GSR: variants seen among roughly 807,000 people sequenced by gnomAD.
The protein encoded by GSR is glutathione-disulfide reductase, also known as glutathione reductase, mitochondrial.
In GSR, 48 loss-of-function variants were observed where a neutral mutation model predicts 56.5. The ratio of observed to expected loss-of-function variants is 0.85; its 90% confidence interval spans 0.67 to 1.08. GSR has a LOEUF of 1.08. Among genes scored for constraint, GSR ranks in the 50% least tolerant of loss-of-function variants. The pLI is 0.00. For synonymous variants in GSR, 264 were observed against 270.8 expected, an observed-to-expected ratio of 0.97 and a Z score of 0.25; for missense variants, 694 against 703.3, an observed-to-expected ratio of 0.99 and a Z score of 0.15.
intron 1 of GSR, among the ~76,000 whole-genome samples, chr8:30,714,665 A>G (rs1448882108): frequency 1.3e-5 from 2 of 151,920 alleles, no homozygotes; most frequent in South Asian, 4.1e-4. Context: ...TGGCCTGTAT[A>G]TGCTTTTTAT....
intron 7 of GSR, among the ~76,000 whole-genome samples, chr8:30,695,007 G>A (rs1433154296): frequency 6.6e-6 from 1 of 151,610 alleles, no homozygotes; most frequent in Non-Finnish European, 1.5e-5. Context: ...AGGCTGCAGT[G>A]AGCTATGATC....
At chr8:30,724,742 G>A (rs1464142765) in intron 1 of GSR, among the ~76,000 whole-genome samples, 2 of 151,952 alleles carry the variant, frequency 1.3e-5, no homozygotes, top group African/African-American at 4.8e-5. Context: ...CACCGTGTTG[G>A]CCAGGCTGGT....
At chr8:30,703,937 G>C (rs529374573) in intron 4 of GSR, among the ~76,000 whole-genome samples, 6 of 152,234 alleles carry the variant, frequency 3.9e-5, no homozygotes, top group South Asian at 2.1e-4. Context: ...AGACAAAAAA[G>C]TATATGCAAG....
At chr8:30,714,487 C>T (rs1031114511) in intron 1 of GSR, among the ~76,000 whole-genome samples, 1 of 150,990 alleles carries the variant, frequency 6.6e-6, no homozygotes, top group Non-Finnish European at 1.5e-5. Flanking sequence ...AGGCGTGAGC[C>T]ATCACGCCTG....
chr8:30,722,212 A>G (rs991884265), intron 1 of GSR, among the ~76,000 whole-genome samples: 19 of 152,198 alleles, frequency 1.2e-4, no homozygotes, highest in African/African-American at 4.6e-4. Flanking sequence ...TTAAAAGCCA[A>G]ATTTCAACAA....
At chr8:30,711,421 A>T (rs1344566545) in intron 2 of GSR, among the ~76,000 whole-genome samples, 1 of 152,210 alleles carries the variant, frequency 6.6e-6, no homozygotes, top group Non-Finnish European at 1.5e-5. Context: ...ACAACGAAAA[A>T]ATCACTAATG....
At position 30,716,877 on chromosome 8, in the gene GSR, C is replaced by T. The variant is rs563330406; in HGVS notation, c.307-4789G>A. ...GGGGTGAAAAGCTGGCATGCTCTCGCTCACCCATCCCCTCTGCTGCTCCCT... is the reference window on the plus strand; with the variant it reads ...GGGGTGAAAAGCTGGCATGCTCTCGTTCACCCATCCCCTCTGCTGCTCCCT... On this transcript the variant is annotated intron_variant, in intron 1 of 12. Coordinates refer to ENST00000221130, the MANE Select transcript of GSR (RefSeq NM_000637.5). 6.6e-5 allele frequency among the ~76,000 whole-genome samples: 10 copies of T among 152,234 alleles called. No homozygotes were observed. The South Asian group carries it at 1.9e-3, about 28-fold the overall frequency.
chr8:30,692,721 C>T (rs1025734156), intron 8 of GSR, among the ~76,000 whole-genome samples: 17 of 151,712 alleles, frequency 1.1e-4, no homozygotes, highest in Admixed American at 1.3e-4. Context: ...AGGCTGTTCT[C>T]GAAGTCCTGA....
chr8:30,718,925 T>G (rs11774927), intron 1 of GSR, among the ~76,000 whole-genome samples: 4 of 85,160 alleles, frequency 4.7e-5, no homozygotes, highest in South Asian at 3.9e-4. Flanking sequence ...GTTTTGTTTT[T>G]TTTTTTTGCT....
At chr8:30,713,252 G>A (rs1372882607) in intron 1 of GSR, among the ~76,000 whole-genome samples, 1 of 152,124 alleles carries the variant, frequency 6.6e-6, no homozygotes, top group African/African-American at 2.4e-5. Context: ...GGCCATGCTG[G>A]TCTCGAACTA....
intron 1 of GSR, among the ~76,000 whole-genome samples, chr8:30,717,188 G>C (rs1804362618): frequency 6.6e-6 from 1 of 152,108 alleles, no homozygotes; most frequent in Non-Finnish European, 1.5e-5. Context: ...CGTGAGCGGA[G>C]ATCGTGCCAT....
At position 30,679,207 on chromosome 8, in the gene GSR, G is replaced by T; in HGVS notation, c.*313C>A. 2.7e-5 allele frequency: 8 copies of T among 294,438 alleles called. No homozygotes were observed. Among genetic ancestry groups the T allele is most frequent in the East Asian group, 8.4e-5 (1 of 11,928 alleles). 18.2% of individuals were successfully genotyped at this position (294,438 alleles called of 1,614,324 possible). A position where few individuals can be genotyped will look rare whatever the true frequency, so the allele number is the denominator to read the frequency against. ...TTCATTCAAGTACATTAAGTTAATT[G>T]TACTTCACAAAGCTTTATATTTGGG... is the stretch of plus-strand genomic sequence containing the variant. On this transcript the variant is annotated 3_prime_UTR_variant, in exon 13 of 13. Transcript: ENST00000221130.
At position 30,679,149 on chromosome 8, in the gene GSR, CAAAAA is replaced by C. The variant is rs35555269; in HGVS notation, c.*366_*370del. On this transcript the variant is annotated 3_prime_UTR_variant, in exon 13 of 13. Transcript: ENST00000221130. Reference sequence around the variant, plus strand: ...GGGCAATGAGAGCAAAACTCTGTCTCAAAAAAAAAAAAAAAAAAAGTAGCAAGTTC... The same window carrying C: ...GGGCAATGAGAGCAAAACTCTGTCTCAAAAAAAAAAAAAAGTAGCAAGTTC... 52 of 108,838 alleles carry C rather than the reference CAAAAA, an allele frequency of 4.8e-4. No homozygotes were observed. Among genetic ancestry groups the C allele is most frequent in the South Asian group, 8.9e-4 (7 of 7,860 alleles). The allele number at this position is 108,838 out of a possible 1,614,324, so 6.7% of individuals were successfully genotyped here.
At chr8:30,688,880 A>G (rs1272416660) in intron 9 of GSR, among the ~76,000 whole-genome samples, 1 of 151,654 alleles carries the variant, frequency 6.6e-6, no homozygotes, top group Non-Finnish European at 1.5e-5. Context: ...CTATGATCAC[A>G]CCACTGAACT....
chr8:30,698,080 A>G (rs139344997), intron 6 of GSR, among the ~76,000 whole-genome samples: 126 of 152,250 alleles, frequency 8.3e-4, no homozygotes, highest in African/African-American at 3.0e-3. Flanking sequence ...ACAGTATTCC[A>G]CAAGGTTCAT....
intron 12 of GSR, among the ~76,000 whole-genome samples, chr8:30,680,657 C>T (rs187164733): frequency 5.3e-5 from 8 of 151,486 alleles, no homozygotes; most frequent in Admixed American, 3.9e-4. Context: ...GGCCTCCCAG[C>T]GTGCTGGGAT....
Position 30,690,158 on chromosome 8 carries a change from ATATTTATT to A in GSR, c.883-847_883-840del, listed in dbSNP as rs372406720. 2.3e-3 allele frequency among the ~76,000 whole-genome samples: 321 copies of A among 138,752 alleles called. 1 individual carries two copies. Among genetic ancestry groups the A allele is most frequent in the African/African-American group, 5.9e-3 (225 of 37,846 alleles). 91.0% of individuals were successfully genotyped at this position (138,752 alleles called of 152,430 possible). A position where few individuals can be genotyped will look rare whatever the true frequency, so the allele number is the denominator to read the frequency against. On this transcript the variant is annotated intron_variant, in intron 8 of 12. Transcript: ENST00000221130. ...TACATTTACATATAAATAAAATAATATATTTATTTATTTATTTATTTATTTATTTTTCT... is the reference window on the plus strand; with the variant it reads ...TACATTTACATATAAATAAAATAATATATTTATTTATTTATTTATTTTTCT...
chr8:30,715,056 T>C (rs796144926), intron 1 of GSR, among the ~76,000 whole-genome samples: 14 of 152,136 alleles, frequency 9.2e-5, no homozygotes, highest in African/African-American at 3.1e-4. Context: ...AGAAAGATGA[T>C]TGCTTGAGCC....
intron 1 of GSR, among the ~76,000 whole-genome samples, chr8:30,712,353 C>T (rs140657067): frequency 2.4e-4 from 37 of 152,254 alleles, no homozygotes; most frequent in Non-Finnish European, 4.6e-4. Context: ...TCTAAGAGGA[C>T]TTCTCGGGAA....
Sources: gnomAD v4.1 joint callset for allele counts (sites outside exome capture counted in the v4.1 genomes callset) on GRCh38, gnomAD v4.1.1 for gene constraint, MANE v1.5 for transcripts, NCBI Gene and HGNC (gene_info 2026-07-23, HGNC 2026-07-21) for gene names.